The following RBFOX1 variants were observed in gnomAD, a reference collection of about 807,000 sequenced individuals.
The protein encoded by RBFOX1 is RNA binding protein fox-1 homolog 1.
Under a neutral mutation model 57.7 loss-of-function variants are expected in RBFOX1, and 8 were observed. That is an observed-to-expected ratio of 0.14 (90% CI 0.08 to 0.25). The LOEUF (loss-of-function observed/expected upper bound fraction) is 0.25, where lower values mean the gene tolerates loss of function less well. Among genes scored for constraint, RBFOX1 ranks in the 10% least tolerant of loss-of-function variants. The pLI, the probability that RBFOX1 is intolerant of heterozygous loss-of-function variation, is 1.00. For missense variants in RBFOX1, 611 were observed against 548.5 expected (o/e 1.11, Z -1.14); for synonymous variants, 326 against 222.4 (o/e 1.47, Z -4.15).
At chr16:5,359,789 G>T (rs1919047) in intron 1 of RBFOX1, among the ~76,000 whole-genome samples, 2 of 152,126 alleles carry the variant, frequency 1.3e-5, no homozygotes, top group African/African-American at 4.8e-5. Context: ...ATGAATTTTC[G>T]GGGAGTCATA....
At chr16:5,826,619 G>A (rs987130769) in intron 3 of RBFOX1, among the ~76,000 whole-genome samples, 1 of 152,164 alleles carries the variant, frequency 6.6e-6, no homozygotes, top group Non-Finnish European at 1.5e-5. Flanking sequence ...TGGCTTGCAG[G>A]CAATAGTTTG....
Position 5,790,859 on chromosome 16 carries a change from A to G in RBFOX1, c.319-76444A>G, listed in dbSNP as rs750197498. 4.4e-4 allele frequency among the ~76,000 whole-genome samples: 50 copies of G among 112,988 alleles called. No individual in the cohort carries two copies. In the Middle Eastern group the frequency reaches 0.025, roughly 57 times the overall value. 74.1% of individuals were successfully genotyped at this position (112,988 alleles called of 152,430 possible). A position where few individuals can be genotyped will look rare whatever the true frequency, so the allele number is the denominator to read the frequency against. ...TTGGGGATGTAGATGGTGGGTCTTTATTTTTTTTTTTTTTGTTTTTTTTTT... is the reference window on the plus strand; with the variant it reads ...TTGGGGATGTAGATGGTGGGTCTTTGTTTTTTTTTTTTTTGTTTTTTTTTT... On this transcript the variant is annotated intron_variant, in intron 3 of 19. Coordinates refer to the RBFOX1 transcript ENST00000641259.
At chr16:6,921,466 GC>G (rs2074423954) in intron 3 of RBFOX1, among the ~76,000 whole-genome samples, 1 of 151,808 alleles carries the variant, frequency 6.6e-6, no homozygotes, top group Non-Finnish European at 1.5e-5. Context: ...CTGACTGTTG[GC>G]CATAAACCAT....
At chr16:6,099,131 G>T (rs185786708) in intron 1 of RBFOX1, among the ~76,000 whole-genome samples, 1 of 152,154 alleles carries the variant, frequency 6.6e-6, no homozygotes, top group African/African-American at 2.4e-5. Context: ...GGTCGAACCC[G>T]ATTTGCTTTC....
intron 1 of RBFOX1, among the ~76,000 whole-genome samples, chr16:6,141,057 T>G (rs2096712099): frequency 6.6e-6 from 1 of 152,162 alleles, no homozygotes; most frequent in Admixed American, 6.5e-5. Flanking sequence ...CTGCGTCATT[T>G]TCATCCTCTT....
chr16:5,277,686 G>C (rs1392604244), intron 1 of RBFOX1, among the ~76,000 whole-genome samples: 1 of 152,164 alleles, frequency 6.6e-6, no homozygotes, highest in Non-Finnish European at 1.5e-5. Flanking sequence ...CTACTGACCT[G>C]ATACATGGCC....
At chr16:5,740,807 A>G (rs1254749510) in intron 3 of RBFOX1, among the ~76,000 whole-genome samples, 2 of 152,090 alleles carry the variant, frequency 1.3e-5, no homozygotes, top group Non-Finnish European at 2.9e-5. Context: ...TACTGTCCCC[A>G]TAGTTTTAGT....
chr16:6,406,574 G>A (rs946313736), intron 2 of RBFOX1, among the ~76,000 whole-genome samples: 50 of 147,110 alleles, frequency 3.4e-4, no homozygotes, highest in African/African-American at 1.0e-3. Context: ...TTTGGAAGTC[G>A]AACATTTTTT....
At chr16:7,014,268 A>T (rs1283849286) in intron 3 of RBFOX1, among the ~76,000 whole-genome samples, 1 of 151,192 alleles carries the variant, frequency 6.6e-6, no homozygotes, top group East Asian at 2.0e-4. Flanking sequence ...TGGAGTGTGC[A>T]GTGGCATGAT....
intron 1 of RBFOX1, among the ~76,000 whole-genome samples, chr16:6,043,270 G>C (rs1384591075): frequency 6.6e-6 from 1 of 151,770 alleles, no homozygotes; most frequent in Non-Finnish European, 1.5e-5. Context: ...ATCTTAAAAG[G>C]TGTCCGTCTC....
chr16:6,130,588 A>C (rs1469466125), intron 1 of RBFOX1, among the ~76,000 whole-genome samples: 2 of 152,174 alleles, frequency 1.3e-5, no homozygotes, highest in East Asian at 3.9e-4. Flanking sequence ...AGATTGTCAG[A>C]CTATAATAAA....
At chr16:7,341,085 T>C (rs1264264605) in intron 4 of RBFOX1, among the ~76,000 whole-genome samples, 1 of 152,132 alleles carries the variant, frequency 6.6e-6, no homozygotes, top group African/African-American at 2.4e-5. Flanking sequence ...GTGCTTTTCC[T>C]GGGTGATTTA....
intron 4 of RBFOX1, among the ~76,000 whole-genome samples, chr16:7,297,519 G>T (rs760701808): frequency 2.0e-5 from 3 of 152,130 alleles, no homozygotes; most frequent in Non-Finnish European, 2.9e-5. Flanking sequence ...ATGCTAAGGT[G>T]CTATGTAGCT....
At chr16:7,606,807 C>T (rs1406264173) in intron 9 of RBFOX1, among the ~76,000 whole-genome samples, 1 of 152,098 alleles carries the variant, frequency 6.6e-6, no homozygotes, top group African/African-American at 2.4e-5. Flanking sequence ...TTATGAAGCA[C>T]TTTGGAATTC....
chr16:6,912,578 T>A (rs1014495436), intron 3 of RBFOX1, among the ~76,000 whole-genome samples: 5 of 151,082 alleles, frequency 3.3e-5, no homozygotes, highest in African/African-American at 7.3e-5. Context: ...TTACTTTTTC[T>A]TTCTTGCTTT....
chr16:7,143,148 G>A (rs145260446), intron 4 of RBFOX1, among the ~76,000 whole-genome samples: 44 of 152,150 alleles, frequency 2.9e-4, no homozygotes, highest in Admixed American at 9.2e-4. Context: ...GCAAAAAGCC[G>A]TACGTGTTTT....
chr16:6,456,664 G>A (rs2094781167), intron 2 of RBFOX1, among the ~76,000 whole-genome samples: 1 of 152,202 alleles, frequency 6.6e-6, no homozygotes, highest in African/African-American at 2.4e-5. Flanking sequence ...AGGAACATCA[G>A]TTAGAGGGCG....
At chr16:7,142,063 G>C (rs1258724041) in intron 4 of RBFOX1, among the ~76,000 whole-genome samples, 1 of 151,496 alleles carries the variant, frequency 6.6e-6, no homozygotes, top group East Asian at 1.9e-4. Context: ...TCACTCTGTT[G>C]CCCAGGCTGG....
intron 3 of RBFOX1, among the ~76,000 whole-genome samples, chr16:5,853,398 G>C (rs1172281109): frequency 1.3e-5 from 2 of 152,122 alleles, no homozygotes; most frequent in Non-Finnish European, 2.9e-5. Context: ...TCCTGCCCTG[G>C]GCACGGCCTG....
Sources: gnomAD v4.1 joint callset for allele counts (sites outside exome capture counted in the v4.1 genomes callset) on GRCh38, gnomAD v4.1.1 for gene constraint, MANE v1.5 for transcripts, NCBI Gene and HGNC (gene_info 2026-07-23, HGNC 2026-07-21) for gene names.